Variants in RBKS observed in about 807,000 individuals in gnomAD.
RBKS encodes the protein ribokinase.
A neutral mutation model predicts 33.9 loss-of-function variants in RBKS; 33 were observed. The ratio of observed to expected loss-of-function variants is 0.97; its 90% CI spans 0.74 to 1.30. The LOEUF is 1.30. RBKS is among the 50% of genes most tolerant of loss of function. The pLI is 0.00. For missense variants in RBKS, 361 were observed against 392.6 expected (o/e 0.92, Z 0.68); for synonymous variants, 125 against 143.0 (o/e 0.87, Z 0.90).
At chr2:27,840,506 T>C (rs1369200258) in intron 5 of RBKS, among the ~76,000 whole-genome samples, 6 of 151,276 alleles carry the variant, frequency 4.0e-5, no homozygotes, top group African/African-American at 1.5e-4. Flanking sequence ...GACACATGAG[T>C]GTGTGTGCTT....
chr2:27,840,359 C>CAT (rs1475964445), intron 5 of RBKS, among the ~76,000 whole-genome samples: 23 of 101,040 alleles, frequency 2.3e-4, no homozygotes, highest in African/African-American at 5.7e-4. Context: ...CACACACGCG[C>CAT]GCGCGCACAC....
At chr2:27,803,535 C>T (rs896072752) in intron 7 of RBKS, among the ~76,000 whole-genome samples, 1 of 151,420 alleles carries the variant, frequency 6.6e-6, no homozygotes, top group Non-Finnish European at 1.5e-5. Flanking sequence ...ACAGAAAATA[C>T]AAAAATTAGC....
At chr2:27,870,984 C>T (rs1236910232) in intron 1 of RBKS, 2 of 429,912 alleles carry the variant, frequency 4.7e-6, no homozygotes, top group Non-Finnish European at 9.6e-6. Context: ...CTCATTAATC[C>T]ACTCTAACAA....
chr2:27,840,394 A>C (rs866387578), intron 5 of RBKS, among the ~76,000 whole-genome samples: 17 of 139,422 alleles, frequency 1.2e-4, no homozygotes, highest in South Asian at 2.3e-4. Context: ...ACACACACAC[A>C]CCCTCCTCAT....
chr2:27,815,807 G>T (rs1678081229), intron 7 of RBKS, among the ~76,000 whole-genome samples: 1 of 152,162 alleles, frequency 6.6e-6, no homozygotes. Flanking sequence ...CTCTCACTGG[G>T]CAGAGGGACT....
At chr2:27,830,880 C>A (rs1678403279) in intron 6 of RBKS, among the ~76,000 whole-genome samples, 1 of 152,166 alleles carries the variant, frequency 6.6e-6, no homozygotes, top group Non-Finnish European at 1.5e-5. Flanking sequence ...CTCATAAAAG[C>A]CAACATGGCT....
intron 1 of RBKS, among the ~76,000 whole-genome samples, chr2:27,864,452 A>G (rs1232387514): frequency 2.6e-5 from 4 of 151,934 alleles, no homozygotes; most frequent in Non-Finnish European, 4.4e-5. Context: ...CTTGAGCCCT[A>G]TTTATTTAAA....
chr2:27,873,943 T>C (rs888132387), intron 1 of RBKS, among the ~76,000 whole-genome samples: 1 of 152,192 alleles, frequency 6.6e-6, no homozygotes, highest in Non-Finnish European at 1.5e-5. Flanking sequence ...AGATAATTTA[T>C]AGCAGCCTTC....
chr2:27,888,710 T>C (rs1171128343), intron 1 of RBKS, among the ~76,000 whole-genome samples: 1 of 152,224 alleles, frequency 6.6e-6, no homozygotes, highest in Non-Finnish European at 1.5e-5. Context: ...TCTACACAGA[T>C]GTCTGCAAAC....
intron 7 of RBKS, among the ~76,000 whole-genome samples, chr2:27,787,176 A>G (rs1677420914): frequency 6.6e-6 from 1 of 152,112 alleles, no homozygotes; most frequent in African/African-American, 2.4e-5. Flanking sequence ...TTTTGTAGAG[A>G]TGAGGTTGGC....
chr2:27,873,281 G>A (rs1664251270), intron 1 of RBKS, among the ~76,000 whole-genome samples: 1 of 151,996 alleles, frequency 6.6e-6, no homozygotes, highest in South Asian at 2.1e-4. Context: ...CTGGAATCGG[G>A]GTCCCCACAC....
chr2:27,823,057 T>C (rs952539213), intron 7 of RBKS, among the ~76,000 whole-genome samples: 8 of 152,342 alleles, frequency 5.3e-5, no homozygotes, highest in African/African-American at 1.9e-4. Flanking sequence ...TCTCTGACTA[T>C]GGAGTGCTTA....
At chr2:27,858,009 C>A (rs1038799726) in intron 2 of RBKS, among the ~76,000 whole-genome samples, 1 of 152,092 alleles carries the variant, frequency 6.6e-6, no homozygotes, top group African/African-American at 2.4e-5. Context: ...TATATCCATA[C>A]AATGGAATAT....
At chr2:27,845,125 A>G (rs1176654151) in intron 4 of RBKS, among the ~76,000 whole-genome samples, 1 of 152,156 alleles carries the variant, frequency 6.6e-6, no homozygotes, top group Non-Finnish European at 1.5e-5. Context: ...CAGTGACCTC[A>G]TTTTCTCTGT....
chr2:27,860,947 T>TTGTCTC lies in RBKS; in HGVS notation c.90-2382_90-2377dup, dbSNP rs566913881. ...AACAGATTTTTGTAAGAGTCTCCCT[T>TTGTCTC]TGTCTCTGTCTCTGTCTCTCTTTCT... On this transcript the variant is annotated intron_variant, in intron 1 of 7. Coordinates refer to ENST00000302188, the MANE Select transcript of RBKS (RefSeq NM_022128.3). 5.3e-5 allele frequency among the ~76,000 whole-genome samples: 8 copies of TTGTCTC among 151,772 alleles called. No homozygotes were observed. The East Asian group carries it at 5.9e-4, about 11-fold the overall frequency.
chr2:27,847,890 A>C, intron 3 of RBKS, 144 bp downstream of exon 3: 1 of 623,272 alleles, frequency 1.6e-6, no homozygotes, highest in South Asian at 1.9e-5. Flanking sequence ...AGGACATTTA[A>C]GCAAGAATGG....
chr2:27,857,420 A>G (rs2148218833), intron 2 of RBKS, among the ~76,000 whole-genome samples: 1 of 152,348 alleles, frequency 6.6e-6, no homozygotes, highest in Non-Finnish European at 1.5e-5. Context: ...TTTCGGTAGC[A>G]TGGATAAAAA....
At position 27,786,617 on chromosome 2, in the gene RBKS, C is replaced by T. The variant is rs996203893; in HGVS notation, c.796-4829G>A. Among the ~76,000 whole-genome samples the T allele has an allele frequency of 1.6e-4, 24 of 151,986 alleles. 1 individual carries two copies. Among genetic ancestry groups the T allele is most frequent in the Admixed American group, 1.1e-3 (17 of 15,264 alleles). On this transcript the variant is annotated intron_variant, in intron 7 of 7. Transcript: ENST00000302188. ...CCAAGAGGGTGAAACCCCGTCTCTACGAAAAATACAAAAAATTAGCCGGGC... is the reference window on the plus strand; with the variant it reads ...CCAAGAGGGTGAAACCCCGTCTCTATGAAAAATACAAAAAATTAGCCGGGC...
At chr2:27,844,263 GAAAAAA>G (rs1348408045) in intron 4 of RBKS, among the ~76,000 whole-genome samples, 1 of 84,100 alleles carries the variant, frequency 1.2e-5, no homozygotes, top group Non-Finnish European at 2.6e-5. Flanking sequence ...CTCTGTCTCA[GAAAAAA>G]AAAAAAAAAA....
Sources: allele counts gnomAD v4.1 joint callset (sites outside exome capture counted in the v4.1 genomes callset), GRCh38; gene constraint gnomAD v4.1.1; transcripts MANE v1.5; gene names NCBI Gene and HGNC (gene_info 2026-07-23, HGNC 2026-07-21).